ACYP2: variants seen among roughly 807,000 people sequenced by gnomAD.
ACYP2 encodes acylphosphatase-2.
In ACYP2, 12 loss-of-function variants were observed where a neutral mutation model predicts 11.2. The ratio of observed to expected loss-of-function variants is 1.08; its 90% CI spans 0.69 to 1.74. ACYP2 has a LOEUF of 1.74. Ranked by LOEUF, ACYP2 falls within the 40% of genes most tolerant of loss-of-function variation. The pLI, the probability that ACYP2 is intolerant of heterozygous loss-of-function variation, is 0.00. For synonymous variants in ACYP2, 43 were observed against 32.2 expected, an observed-to-expected ratio of 1.33 and a Z score of -1.13; for missense variants, 134 against 101.9, an observed-to-expected ratio of 1.31 and a Z score of -1.35.
intron 6 of ACYP2, among the ~76,000 whole-genome samples, chr2:54,205,454 C>T (rs1168631565): frequency 6.6e-6 from 1 of 152,166 alleles, no homozygotes; most frequent in Non-Finnish European, 1.5e-5. Context: ...CCTCTTATGA[C>T]ATCAGTATAC....
At chr2:53,989,792 G>A (rs1456193944) in intron 2 of ACYP2, among the ~76,000 whole-genome samples, 1 of 152,104 alleles carries the variant, frequency 6.6e-6, no homozygotes, top group African/African-American at 2.4e-5. Context: ...TGTGTTTATT[G>A]TGAGTAGTGG....
chr2:54,015,645 TCACA>T (rs4027206), intron 2 of ACYP2, among the ~76,000 whole-genome samples: 32,084 of 130,200 alleles, frequency 0.25, 3,960 homozygotes, highest in East Asian at 0.49. Context: ...TGAGACCCCG[TCACA>T]CACACACACA....
At chr2:54,167,798 A>T (rs1183524247) in intron 6 of ACYP2, among the ~76,000 whole-genome samples, 2 of 152,108 alleles carry the variant, frequency 1.3e-5, no homozygotes, top group South Asian at 4.1e-4. Flanking sequence ...GAGGGAAGAG[A>T]GTTGTGTAGG....
chr2:54,082,236 A>G (rs528381381), intron 4 of ACYP2, among the ~76,000 whole-genome samples: 85 of 151,684 alleles, frequency 5.6e-4, no homozygotes, highest in Non-Finnish European at 1.0e-3. Flanking sequence ...GTACACATAT[A>G]TAGCTCTTTT....
chr2:54,016,260 C>G (rs1558473450), intron 2 of ACYP2, among the ~76,000 whole-genome samples: 1 of 151,958 alleles, frequency 6.6e-6, no homozygotes, highest in Admixed American at 6.6e-5. Flanking sequence ...GTAGCCCTCC[C>G]AGTGCCATAA....
chr2:54,290,570 A>G (rs769913208), intron 6 of ACYP2, among the ~76,000 whole-genome samples: 20 of 150,128 alleles, frequency 1.3e-4, no homozygotes, highest in Non-Finnish European at 2.5e-4. Flanking sequence ...GGGACATAAA[A>G]TAGAGCCAGG....
At chr2:54,180,007 C>G (rs2103866437) in intron 6 of ACYP2, among the ~76,000 whole-genome samples, 1 of 152,256 alleles carries the variant, frequency 6.6e-6, no homozygotes, top group South Asian at 2.1e-4. Flanking sequence ...GACCAACTGA[C>G]TGGCTTCAAG....
chr2:54,241,872 G>C (rs779808452), intron 6 of ACYP2, among the ~76,000 whole-genome samples: 18 of 152,110 alleles, frequency 1.2e-4, no homozygotes, highest in Non-Finnish European at 2.1e-4. Context: ...AATTAGCTGG[G>C]CGTGGTGGCA....
chr2:54,005,618 T>TGTCA lies in ACYP2; in HGVS notation c.62+31810_62+31813dup, dbSNP rs1330645707. On this transcript the variant is annotated intron_variant, in intron 2 of 6. Coordinates refer to ENST00000607452, the MANE Select transcript of ACYP2 (RefSeq NM_001320586.2). Reference sequence around the variant, plus strand: ...CCTCCCAAAGTGCTGGGATTACAGGTGTCAGCCACTGCGCCCAGCCTGAAG... The same window carrying TGTCA: ...CCTCCCAAAGTGCTGGGATTACAGGTGTCAGTCAGCCACTGCGCCCAGCCTGAAG... 2.6e-5 allele frequency among the ~76,000 whole-genome samples: 4 copies of TGTCA among 152,088 alleles called. No individual in the cohort carries two copies. In the East Asian group the frequency reaches 7.7e-4, roughly 29 times the overall value.
chr2:54,100,173 T>G (rs1430884590), intron 4 of ACYP2, among the ~76,000 whole-genome samples: 2 of 150,178 alleles, frequency 1.3e-5, no homozygotes, highest in African/African-American at 5.1e-5. Context: ...CATTTACATG[T>G]TTTGACTTTC....
intron 2 of ACYP2, among the ~76,000 whole-genome samples, chr2:54,015,645 T>TCACACACACACACACACACACA (rs4027206): frequency 3.1e-5 from 4 of 130,482 alleles, no homozygotes; most frequent in African/African-American, 1.2e-4. Flanking sequence ...TGAGACCCCG[T>TCACACACACACACACACACACA]CACACACACA....
intron 6 of ACYP2, among the ~76,000 whole-genome samples, chr2:54,240,926 G>C (rs843655): frequency 8.6e-5 from 13 of 152,044 alleles, no homozygotes; most frequent in African/African-American, 3.1e-4. Context: ...CATTTAGGCC[G>C]AGGAGATGAA....
chr2:54,255,678 G>C, intron 6 of ACYP2: 1 of 1,613,868 alleles, frequency 6.2e-7, no homozygotes, highest in Middle Eastern at 1.6e-4. Flanking sequence ...CTGGGGCTGA[G>C]AACATGGCAC....
At chr2:54,140,534 A>ACG (rs1681545901) in intron 6 of ACYP2, among the ~76,000 whole-genome samples, 3 of 151,558 alleles carry the variant, frequency 2.0e-5, no homozygotes, top group African/African-American at 4.8e-5. Context: ...TCTCTCACAC[A>ACG]CACACACACA....
At chr2:54,068,510 A>G (rs1009728593) in intron 4 of ACYP2, among the ~76,000 whole-genome samples, 3 of 152,216 alleles carry the variant, frequency 2.0e-5, no homozygotes, top group Non-Finnish European at 4.4e-5. Context: ...CATGTGGATT[A>G]AGAAGAAACA....
At chr2:54,021,192 G>A (rs889215882) in intron 2 of ACYP2, among the ~76,000 whole-genome samples, 3 of 152,282 alleles carry the variant, frequency 2.0e-5, no homozygotes, top group Admixed American at 6.5e-5. Flanking sequence ...AGTTTGGCAC[G>A]AAGGGTGGTT....
intron 2 of ACYP2, among the ~76,000 whole-genome samples, chr2:54,017,022 G>A (rs1275377552): frequency 6.6e-6 from 1 of 151,968 alleles, no homozygotes; most frequent in Admixed American, 6.6e-5. Context: ...TCCGCGCCCG[G>A]CCCTTCAGTG....
rs914373253 is a variant in ACYP2 at position 54,127,723 on chromosome 2, A to T, written c.278-7730A>T. On this transcript the variant is annotated intron_variant, in intron 4 of 6. Transcript: ENST00000607452. ...AGATCACACCATGCCACTCCACTGCAGCCTGGGCAACAGAGCGAGACTGTC... is the reference window on the plus strand; with the variant it reads ...AGATCACACCATGCCACTCCACTGCTGCCTGGGCAACAGAGCGAGACTGTC... 1.8e-4 allele frequency among the ~76,000 whole-genome samples: 25 copies of T among 142,552 alleles called. No individual in the cohort carries two copies. In the Admixed American group the frequency reaches 1.8e-3, roughly 10 times the overall value. The allele number at this position is 142,552 out of a possible 152,430, so 93.5% of individuals were successfully genotyped here.
intron 6 of ACYP2, among the ~76,000 whole-genome samples, chr2:54,155,508 C>G (rs1479949324): frequency 2.6e-5 from 4 of 152,200 alleles, no homozygotes; most frequent in African/African-American, 4.8e-5. Flanking sequence ...CCTGCCAGAT[C>G]AGTGGCAGCA....
Sources: allele counts gnomAD v4.1 joint callset (sites outside exome capture counted in the v4.1 genomes callset), GRCh38; gene constraint gnomAD v4.1.1; transcripts MANE v1.5; gene names NCBI Gene and HGNC (gene_info 2026-07-23, HGNC 2026-07-21).